The following ZBTB8OS variants were observed in gnomAD, a reference collection of about 807,000 sequenced individuals.
ZBTB8OS encodes tRNA splicing ligase complex subunit 1, also known as tRNA-splicing ligase-activating factor archease.
Under a neutral mutation model 29.3 loss-of-function variants are expected in ZBTB8OS, and 16 were observed. The observed-to-expected ratio is 0.55, with a 90% confidence interval of 0.37 to 0.83. ZBTB8OS has a LOEUF of 0.83. ZBTB8OS is among the 40% of genes least tolerant of loss of function. ZBTB8OS has a pLI of 0.00. For synonymous variants in ZBTB8OS, 70 were observed against 64.6 expected (o/e 1.08, Z -0.40); for missense variants, 160 against 196.9 (o/e 0.81, Z 1.12).
chr1:32,640,102 T>C (rs1194822970), intron 1 of ZBTB8OS: 1 of 148,458 alleles, frequency 6.7e-6, no homozygotes, highest in East Asian at 2.0e-4. Flanking sequence ...ACTCAAAACA[T>C]GGTATTTTTT....
At chr1:32,644,360 C>G (rs1646669904) in intron 1 of ZBTB8OS, among the ~76,000 whole-genome samples, 1 of 151,910 alleles carries the variant, frequency 6.6e-6, no homozygotes, top group South Asian at 2.1e-4. Flanking sequence ...CTCTCTGGCT[C>G]TCTTAGCTAA....
At chr1:32,637,252 C>T (rs1234921017) in intron 1 of ZBTB8OS, among the ~76,000 whole-genome samples, 2 of 151,712 alleles carry the variant, frequency 1.3e-5, no homozygotes, top group African/African-American at 2.4e-5. Context: ...CTTTCACACA[C>T]GAGTGAAGAA....
At chr1:32,627,410 TTACAC>T in intron 6 of ZBTB8OS, 93 bp downstream of exon 6, 1 of 1,082,464 alleles carries the variant, frequency 9.2e-7, no homozygotes, top group Non-Finnish European at 1.4e-6. Context: ...ACTTATCACT[TTACAC>T]CAGTTAGAAC....
chr1:32,637,536 C>T (rs1646069508), intron 1 of ZBTB8OS, among the ~76,000 whole-genome samples: 1 of 151,518 alleles, frequency 6.6e-6, no homozygotes, highest in Non-Finnish European at 1.5e-5. Context: ...CCACCGCACT[C>T]CAGTGTGGGT....
chr1:32,648,377 G>C (rs1467493423), intron 1 of ZBTB8OS, among the ~76,000 whole-genome samples: 1 of 152,214 alleles, frequency 6.6e-6, no homozygotes, highest in Non-Finnish European at 1.5e-5. Context: ...TGGAGAACTT[G>C]ATTCTACAGA....
chr1:32,649,208 T>TC (rs1647089181), intron 1 of ZBTB8OS, among the ~76,000 whole-genome samples: 1 of 151,958 alleles, frequency 6.6e-6, no homozygotes, highest in South Asian at 2.1e-4. Flanking sequence ...CCTCAGGTGA[T>TC]CCACCCACGT....
At position 32,648,965 on chromosome 1, in the gene ZBTB8OS, T is replaced by A. The variant is rs1570774690; in HGVS notation, c.97+1468A>T. ...AGGCGTGAGCCACAGCACCAGGCCT[T>A]TTTTTTTTTTTTTTTTTTTTTGAGA... is the stretch of plus-strand genomic sequence containing the variant. On this transcript the variant is annotated intron_variant, in intron 1 of 6. Transcript: ENST00000468695. Among the ~76,000 whole-genome samples the A allele has an allele frequency of 3.2e-4, 6 of 18,860 alleles. No individual in the cohort carries two copies. In the South Asian group the frequency reaches 8.5e-3, roughly 27 times the overall value. 12.4% of individuals were successfully genotyped at this position (18,860 alleles called of 152,430 possible).
At chr1:32,647,860 A>G (rs1333059027) in intron 1 of ZBTB8OS, among the ~76,000 whole-genome samples, 1 of 152,214 alleles carries the variant, frequency 6.6e-6, no homozygotes. Context: ...TAAAATGCAC[A>G]ATAAATGTAA....
chr1:32,631,374 A>T (rs969827797), intron 5 of ZBTB8OS, among the ~76,000 whole-genome samples: 9 of 151,854 alleles, frequency 5.9e-5, no homozygotes, highest in Non-Finnish European at 1.3e-4. Flanking sequence ...AAAAAAGAAA[A>T]AAAAGAAAAA....
intron 1 of ZBTB8OS, among the ~76,000 whole-genome samples, chr1:32,644,188 G>A (rs187398171): frequency 1.0e-3 from 156 of 152,254 alleles, no homozygotes; most frequent in Non-Finnish European, 1.3e-3. Context: ...TGATAGATCC[G>A]GGGCTTTGGG....
At position 32,627,504 on chromosome 1, in the gene ZBTB8OS, A is replaced by T. The variant is rs986226906; in HGVS notation, c.417+4T>A. On this transcript the variant is annotated splice_donor_region_variant and intron_variant, in intron 6 of 6. Transcript: ENST00000468695. ...GTTCTTAATGGCTGGATTTTAAAAC[A>T]TACCTGAGGGTGCTTGGACAATGAA... The T allele has an allele frequency of 1.9e-6, 3 of 1,613,330 alleles. No individual in the cohort carries two copies. Among genetic ancestry groups the T allele is most frequent in the Admixed American group, 3.3e-5 (2 of 59,874 alleles).
chr1:32,624,814 A>G (rs1365701201), intron 6 of ZBTB8OS, among the ~76,000 whole-genome samples: 1 of 151,984 alleles, frequency 6.6e-6, no homozygotes, highest in African/African-American at 2.4e-5. Flanking sequence ...GAATCGCTTG[A>G]ACCTGGGAGG....
intron 1 of ZBTB8OS, among the ~76,000 whole-genome samples, chr1:32,643,587 C>T (rs1248649305): frequency 2.0e-5 from 3 of 151,658 alleles, no homozygotes; most frequent in African/African-American, 7.3e-5. Flanking sequence ...CCCCTGCCTC[C>T]CGGGTTCAAG....
chr1:32,646,875 A>G (rs555724588), intron 1 of ZBTB8OS, among the ~76,000 whole-genome samples: 9 of 140,098 alleles, frequency 6.4e-5, no homozygotes, highest in African/African-American at 1.8e-4. Context: ...TGTCTCTACT[A>G]AAAAAAAAAC....
intron 1 of ZBTB8OS, among the ~76,000 whole-genome samples, chr1:32,637,421 A>AAT (rs1366935345): frequency 9.8e-4 from 149 of 151,518 alleles, no homozygotes; most frequent in Non-Finnish European, 1.7e-3. Context: ...AAAAAAAATG[A>AAT]GCTGGGCGTG....
chr1:32,629,059 T>C (rs1308767035), intron 5 of ZBTB8OS, among the ~76,000 whole-genome samples: 1 of 152,124 alleles, frequency 6.6e-6, no homozygotes, highest in Non-Finnish European at 1.5e-5. Flanking sequence ...GTTTAGTAAA[T>C]ATTGTTTCAA....
intron 6 of ZBTB8OS, among the ~76,000 whole-genome samples, chr1:32,623,407 TCTC>T (rs898183242): frequency 1.3e-5 from 2 of 152,204 alleles, no homozygotes; most frequent in African/African-American, 2.4e-5. Flanking sequence ...TTCTTTCTCT[TCTC>T]CTCTAGTGAT....
intron 1 of ZBTB8OS, among the ~76,000 whole-genome samples, chr1:32,645,594 A>G (rs994382941): frequency 1.3e-5 from 2 of 152,198 alleles, no homozygotes; most frequent in African/African-American, 4.8e-5. Context: ...CTTGCTATGT[A>G]GCCCAGGATG....
At chr1:32,638,230 CTTTTTTTT>C (rs760775116) in intron 1 of ZBTB8OS, among the ~76,000 whole-genome samples, 1 of 102,152 alleles carries the variant, frequency 9.8e-6, no homozygotes, top group South Asian at 3.2e-4. Flanking sequence ...CTCCAGAATT[CTTTTTTTT>C]TTTTTTTTTT....
Sources: allele counts gnomAD v4.1 joint callset (sites outside exome capture counted in the v4.1 genomes callset), GRCh38; gene constraint gnomAD v4.1.1; transcripts MANE v1.5; gene names NCBI Gene and HGNC (gene_info 2026-07-23, HGNC 2026-07-21).